The following LDLRAD3 variants were observed in gnomAD, a reference collection of about 807,000 sequenced individuals.
LDLRAD3 encodes low density lipoprotein receptor class A domain containing 3.
LDLRAD3 carries 20 observed loss-of-function variants against 29.4 expected under a neutral mutation model. The ratio of observed to expected loss-of-function variants is 0.68; its 90% CI spans 0.48 to 0.99. LDLRAD3 has a LOEUF of 0.99. Among genes scored for constraint, LDLRAD3 ranks in the 50% least tolerant of loss-of-function variants. LDLRAD3 has a pLI of 0.00. For missense variants in LDLRAD3, 420 were observed against 454.3 expected, an observed-to-expected ratio of 0.92 and a Z score of 0.69; for synonymous variants, 157 against 192.7, an observed-to-expected ratio of 0.81 and a Z score of 1.53.
intron 4 of LDLRAD3, chr11:36,197,002 T>G (rs3812768): frequency 0.49 from 75,015 of 151,992 alleles, 18,719 homozygotes; most frequent in Middle Eastern, 0.6. Flanking sequence ...TTTATCAAGT[T>G]ATAGAAACTT....
At chr11:35,982,815 A>G (rs1011518766) in intron 1 of LDLRAD3, among the ~76,000 whole-genome samples, 1 of 123,988 alleles carries the variant, frequency 8.1e-6, no homozygotes, top group Non-Finnish European at 1.7e-5. Context: ...TGCTTGTGAC[A>G]TTTCTTGTGT....
chr11:36,129,792 T>A (rs1853898204), intron 4 of LDLRAD3, among the ~76,000 whole-genome samples: 1 of 152,182 alleles, frequency 6.6e-6, no homozygotes, highest in Admixed American at 6.5e-5. Flanking sequence ...ACCCACCTCC[T>A]CTGGGTCTTT....
intron 4 of LDLRAD3, among the ~76,000 whole-genome samples, chr11:36,175,462 C>A (rs751170664): frequency 6.6e-6 from 1 of 152,104 alleles, no homozygotes; most frequent in Non-Finnish European, 1.5e-5. Flanking sequence ...ATGAACTTTC[C>A]TCTTAGCACT....
intron 4 of LDLRAD3, among the ~76,000 whole-genome samples, chr11:36,183,647 GAAGAA>G (rs1854799787): frequency 6.6e-6 from 1 of 150,968 alleles, no homozygotes; most frequent in South Asian, 2.1e-4. Context: ...AACCTAGTCT[GAAGAA>G]TCAAAAGAGT....
intron 1 of LDLRAD3, among the ~76,000 whole-genome samples, chr11:36,014,120 C>T (rs1851991028): frequency 6.6e-6 from 1 of 152,174 alleles, no homozygotes; most frequent in East Asian, 1.9e-4. Flanking sequence ...TCCTTCCACG[C>T]CTCCCTGTTC....
At chr11:36,083,334 C>T in intron 3 of LDLRAD3, among the ~76,000 whole-genome samples, 1 of 152,066 alleles carries the variant, frequency 6.6e-6, no homozygotes, top group East Asian at 1.9e-4. Context: ...TTTTGTACCC[C>T]CACCACATAT....
chr11:35,991,867 TTGTGTGTGTG>T (rs33941156), intron 1 of LDLRAD3, among the ~76,000 whole-genome samples: 6 of 82,684 alleles, frequency 7.3e-5, no homozygotes, highest in Non-Finnish European at 1.9e-4. Context: ...GAATGGTTGT[TTGTGTGTGTG>T]TGTGTGTGTG....
intron 1 of LDLRAD3, among the ~76,000 whole-genome samples, chr11:36,023,123 C>T (rs964701882): frequency 6.6e-6 from 1 of 152,190 alleles, no homozygotes; most frequent in African/African-American, 2.4e-5. Context: ...AAAAGACTCA[C>T]TGGTTAATAT....
At chr11:36,004,604 C>T (rs1330105234) in intron 1 of LDLRAD3, among the ~76,000 whole-genome samples, 2 of 152,124 alleles carry the variant, frequency 1.3e-5, no homozygotes, top group Non-Finnish European at 2.9e-5. Context: ...ATAATGGTGA[C>T]CCCCTTCTCA....
At chr11:36,071,611 T>C (rs1297147953) in intron 2 of LDLRAD3, among the ~76,000 whole-genome samples, 1 of 152,220 alleles carries the variant, frequency 6.6e-6, no homozygotes, top group African/African-American at 2.4e-5. Context: ...CAAAAACAGG[T>C]TTCAGGATAG....
At chr11:36,109,004 C>T (rs968871306) in intron 4 of LDLRAD3, among the ~76,000 whole-genome samples, 10 of 151,544 alleles carry the variant, frequency 6.6e-5, no homozygotes, top group South Asian at 2.1e-4. Context: ...TCACTGAAGG[C>T]AGGCCAGGAG....
At chr11:36,200,109 T>C (rs141354029) in intron 4 of LDLRAD3, among the ~76,000 whole-genome samples, 3 of 152,208 alleles carry the variant, frequency 2.0e-5, no homozygotes, top group African/African-American at 7.2e-5. Context: ...GGATGTGTAG[T>C]GAGCCAAGAT....
At chr11:36,062,458 A>G (rs1416711515) in intron 2 of LDLRAD3, among the ~76,000 whole-genome samples, 2 of 152,152 alleles carry the variant, frequency 1.3e-5, no homozygotes, top group South Asian at 2.1e-4. Flanking sequence ...GATTATTGCC[A>G]AGGAAGAAGC....
At chr11:36,092,564 ACT>A (rs1853299652) in intron 3 of LDLRAD3, among the ~76,000 whole-genome samples, 1 of 150,220 alleles carries the variant, frequency 6.7e-6, no homozygotes, top group Non-Finnish European at 1.5e-5. Context: ...CTATTTTTCC[ACT>A]CTCTACCACC....
intron 1 of LDLRAD3, among the ~76,000 whole-genome samples, chr11:35,970,499 T>G (rs540354595): frequency 2.0e-5 from 3 of 152,354 alleles, no homozygotes; most frequent in African/African-American, 7.2e-5. Context: ...GCCGACACCT[T>G]GAACTTCTAG....
intron 2 of LDLRAD3, among the ~76,000 whole-genome samples, chr11:36,079,029 G>A (rs912523936): frequency 3.7e-4 from 56 of 152,132 alleles, no homozygotes; most frequent in Admixed American, 7.9e-4. Context: ...CTACCAGGCC[G>A]TGTGAGGGTG....
At chr11:36,031,680 G>C (rs566039256) in intron 1 of LDLRAD3, among the ~76,000 whole-genome samples, 7 of 152,302 alleles carry the variant, frequency 4.6e-5, no homozygotes, top group African/African-American at 1.7e-4. Flanking sequence ...TGGGTTAAAG[G>C]AAAACAGGAC....
chr11:36,133,116 C>G (rs1853949855), intron 4 of LDLRAD3, among the ~76,000 whole-genome samples: 1 of 152,038 alleles, frequency 6.6e-6, no homozygotes, highest in Non-Finnish European at 1.5e-5. Flanking sequence ...TTACTTAGCT[C>G]TCCTTTTGCA....
intron 1 of LDLRAD3, among the ~76,000 whole-genome samples, chr11:36,031,472 A>C (rs543544535): frequency 1.3e-5 from 2 of 152,298 alleles, no homozygotes; most frequent in South Asian, 4.1e-4. Context: ...TCTAGGGAAG[A>C]GTATGGGGGA....
Sources: allele counts gnomAD v4.1 joint callset (sites outside exome capture counted in the v4.1 genomes callset), GRCh38; gene constraint gnomAD v4.1.1; transcripts MANE v1.5; gene names NCBI Gene and HGNC (gene_info 2026-07-23, HGNC 2026-07-21).